Variants in CNTRL observed in about 807,000 individuals in gnomAD.
CNTRL encodes the protein 110 kDa centrosomal protein.
In CNTRL, 233 loss-of-function variants were observed where a neutral mutation model predicts 303.7. The ratio of observed to expected loss-of-function variants is 0.77; its 90% CI spans 0.69 to 0.86. The LOEUF is 0.86. Ranked by LOEUF, CNTRL falls within the 40% of genes least tolerant of loss-of-function variation. CNTRL has a pLI of 0.00. For synonymous variants in CNTRL, 900 were observed against 922.2 expected (o/e 0.98, Z 0.44); for missense variants, 2,524 against 2,650.6 (o/e 0.95, Z 1.05).
At chr9:121,126,944 C>T (rs1171636943) in intron 14 of CNTRL, among the ~76,000 whole-genome samples, 1 of 152,064 alleles carries the variant, frequency 6.6e-6, no homozygotes, top group Non-Finnish European at 1.5e-5. Flanking sequence ...GCCTCAGCCT[C>T]CCGAGTAGCT....
chr9:121,116,384 T>A (rs10760148), intron 11 of CNTRL, among the ~76,000 whole-genome samples: 77,470 of 151,684 alleles, frequency 0.51, 21,711 homozygotes, highest in South Asian at 0.8. Context: ...TTTTTTATTT[T>A]TATTTTTTTG....
At chr9:121,174,475 ATATT>A (rs1564310793) in intron 42 of CNTRL, among the ~76,000 whole-genome samples, 1 of 152,234 alleles carries the variant, frequency 6.6e-6, no homozygotes, top group African/African-American at 2.4e-5. Context: ...AGTGGCTTCT[ATATT>A]TATAGCCAGA....
intron 38 of CNTRL, 68 bp downstream of exon 38, chr9:121,168,389 G>A: frequency 7.0e-7 from 1 of 1,435,588 alleles, no homozygotes; most frequent in Non-Finnish European, 9.7e-7. Flanking sequence ...TCTTGCAAAA[G>A]TATTTAAAGA....
Position 121,140,799 on chromosome 9 carries a change from C to G in CNTRL, c.2483+13C>G, listed in dbSNP as rs376497729. 3 of 1,607,874 alleles carry G rather than the reference C, an allele frequency of 1.9e-6. No homozygotes were observed. The highest frequency in any genetic ancestry group is 2.6e-6 in the Non-Finnish European group (3 of 1,176,016). On this transcript the variant is annotated intron_variant, in intron 17 of 43. Coordinates refer to ENST00000373855, the MANE Select transcript of CNTRL (RefSeq NM_007018.6). ...CTGGGGAAATGAAGTAAGGAAAAAG[C>G]AAGACCTCCAAGTCTAGAGTGGGCC...
intron 15 of CNTRL, among the ~76,000 whole-genome samples, chr9:121,137,943 G>C (rs945282438): frequency 4.6e-5 from 7 of 152,076 alleles, no homozygotes; most frequent in African/African-American, 1.7e-4. Context: ...TCAGCACCAA[G>C]ACTGCCAGGA....
chr9:121,117,698 G>T (rs1449187952), intron 11 of CNTRL, among the ~76,000 whole-genome samples: 1 of 152,158 alleles, frequency 6.6e-6, no homozygotes, highest in East Asian at 1.9e-4. Flanking sequence ...GATATAAAGA[G>T]GCTGGGCATG....
intron 2 of CNTRL, among the ~76,000 whole-genome samples, chr9:121,086,495 T>G (rs2048346456): frequency 6.6e-6 from 1 of 152,086 alleles, no homozygotes; most frequent in Admixed American, 6.6e-5. Flanking sequence ...ATTATTACTG[T>G]GAGGAGGCCA....
intron 7 of CNTRL, among the ~76,000 whole-genome samples, chr9:121,104,715 T>TTTTC (rs1436397109): frequency 8.1e-5 from 12 of 147,418 alleles, no homozygotes; most frequent in African/African-American, 3.0e-4. Context: ...TTTTTTTTTT[T>TTTTC]TTTGAGACAG....
Position 121,098,591 on chromosome 9 carries a change from A to C in CNTRL, c.808+19A>C. 1.3e-6 allele frequency: 2 copies of C among 1,509,538 alleles called. No individual in the cohort carries two copies. The highest frequency in any genetic ancestry group is 9.0e-7 in the Non-Finnish European group (1 of 1,117,118). 93.5% of individuals were successfully genotyped at this position (1,509,538 alleles called of 1,614,324 possible). A position where few individuals can be genotyped will look rare whatever the true frequency, so the allele number is the denominator to read the frequency against. On this transcript the variant is annotated intron_variant, in intron 7 of 43. Coordinates refer to ENST00000373855, the MANE Select transcript of CNTRL (RefSeq NM_007018.6). ...AGTTTAGGTAAGATTAAATTTAAAA[A>C]ATAATAAATTTGGGTGAGGGAGGAA...
At chr9:121,129,365 G>T (rs1260569211) in intron 14 of CNTRL, among the ~76,000 whole-genome samples, 1 of 152,148 alleles carries the variant, frequency 6.6e-6, no homozygotes, top group Non-Finnish European at 1.5e-5. Flanking sequence ...TCCCTTGTAA[G>T]TTGGATTCCT....
In CNTRL at chr9:121,148,753, C is replaced by T. The variant is rs148020653; in HGVS notation, c.3541C>T (p.Arg1181Cys). Reference protein sequence around the residue: ...YSASTPVRKPRPGQQDGKEGS... With the variant: ...YSASTPVRKPCPGQQDGKEGS... ...AGCCTCAACTCCTGTTAGAAAACCA[C>T]GCCCTGGGCAGCAGGATGGGAAGGA... is the stretch of plus-strand genomic sequence containing the variant. The change falls in exon 24 of 44, where the codon CGC becomes TGC. Residue 1181 changes from arginine (R) to cysteine (C), a missense_variant. Arg to Cys is a radical substitution (Grantham distance 180). Transcript: ENST00000373855. 44 of 1,614,128 alleles carry T rather than the reference C, an allele frequency of 2.7e-5. No individual in the cohort carries two copies. Among genetic ancestry groups the T allele is most frequent in the African/African-American group, 1.2e-4 (9 of 75,052 alleles).
At position 121,128,454 on chromosome 9, in the gene CNTRL, T is replaced by G. The variant is rs1489420863; in HGVS notation, c.2025+2518T>G. 7.2e-5 allele frequency among the ~76,000 whole-genome samples: 11 copies of G among 152,252 alleles called. No homozygotes were observed. In the East Asian group the frequency reaches 2.1e-3, roughly 29 times the overall value. ...TGCATAAATGTCTTCTTTTGAGAAA[T>G]GTCTATTCGTATCCTTTGCCCCCTT... On this transcript the variant is annotated intron_variant, in intron 14 of 43. Coordinates refer to ENST00000373855, the MANE Select transcript of CNTRL (RefSeq NM_007018.6).
At chr9:121,106,718 T>A (rs1238778545) in intron 7 of CNTRL, among the ~76,000 whole-genome samples, 1 of 152,168 alleles carries the variant, frequency 6.6e-6, no homozygotes, top group African/African-American at 2.4e-5. Flanking sequence ...TGTTTTGACC[T>A]CCAAAAATGG....
intron 12 of CNTRL, 97 bp from the exon 13 acceptor site, chr9:121,123,834 T>G (rs1041801178): frequency 1.1e-6 from 1 of 897,428 alleles, no homozygotes; most frequent in Non-Finnish European, 1.6e-6. Flanking sequence ...TTATTATATT[T>G]ATTTTCTATT....
At chr9:121,079,765 G>A (rs1396727298) in intron 1 of CNTRL, among the ~76,000 whole-genome samples, 2 of 152,098 alleles carry the variant, frequency 1.3e-5, no homozygotes, top group African/African-American at 4.8e-5. Flanking sequence ...AAAAAAGACG[G>A]GGTTTTTATT....
At chr9:121,102,689 C>G (rs1056085556) in intron 7 of CNTRL, among the ~76,000 whole-genome samples, 2 of 152,194 alleles carry the variant, frequency 1.3e-5, no homozygotes, top group African/African-American at 4.8e-5. Context: ...TGATACGCAA[C>G]TTCAGCAAAC....
intron 23 of CNTRL, 69 bp from the exon 24 acceptor site, chr9:121,148,603 C>T: frequency 7.0e-7 from 1 of 1,426,140 alleles, no homozygotes; most frequent in South Asian, 1.3e-5. Context: ...TTGCTGTAGA[C>T]TTTGACGTTT....
At chr9:121,154,613 C>A (rs1317407269) in intron 26 of CNTRL, 108 bp from the exon 27 acceptor site, 2 of 658,318 alleles carry the variant, frequency 3.0e-6, no homozygotes, top group African/African-American at 3.6e-5. Flanking sequence ...CTTACCTATT[C>A]TCATATAAAA....
intron 12 of CNTRL, among the ~76,000 whole-genome samples, chr9:121,123,624 A>AAG (rs758620433): frequency 6.6e-5 from 10 of 152,058 alleles, no homozygotes; most frequent in South Asian, 2.1e-4. Flanking sequence ...ATAAATAAAA[A>AAG]AGAGAGAGAG....
Sources: gnomAD v4.1 joint callset for allele counts (sites outside exome capture counted in the v4.1 genomes callset) on GRCh38, gnomAD v4.1.1 for gene constraint, MANE v1.5 for transcripts, NCBI Gene and HGNC (gene_info 2026-07-23, HGNC 2026-07-21) for gene names.